The following PRH1 variants were observed in gnomAD, a reference collection of about 807,000 sequenced individuals.
The protein encoded by PRH1 is proline rich protein HaeIII subfamily 1, also known as salivary acidic proline-rich phosphoprotein 1/2.
A neutral mutation model predicts 7.9 loss-of-function variants in PRH1; 7 were observed. The observed-to-expected ratio is 0.89, with a 90% CI of 0.50 to 1.67. The LOEUF is 1.67. Among genes scored for constraint, PRH1 ranks in the 40% most tolerant of loss-of-function variants. The pLI, the probability that PRH1 is intolerant of heterozygous loss-of-function variation, is 0.00. For synonymous variants in PRH1, 45 were observed against 80.8 expected, an observed-to-expected ratio of 0.56 and a Z score of 2.38; for missense variants, 109 against 223.6, an observed-to-expected ratio of 0.49 and a Z score of 3.27.
At chr12:11,156,118 C>T (rs1947239978) in intron 1 of PRH1, among the ~76,000 whole-genome samples, 1 of 152,084 alleles carries the variant, frequency 6.6e-6, no homozygotes, top group African/African-American at 2.4e-5. Context: ...TTTTTTCTAT[C>T]TGAAAATGTA....
In PRH1 at chr12:11,091,143, T is replaced by TATATATATATATATATATA. The variant is rs1565644368; in HGVS notation, n.124-43956_124-43955insTATATATATATATATATAT. ...ATATATATATATATATATATATATA[T>TATATATATATATATATATA]TTTCTAGACTGCCATTGGGTCAAAG... On this transcript the variant is annotated intron_variant and non_coding_transcript_variant, in intron 1 of 4. Transcript: ENST00000541977. 2.5e-3 allele frequency: 154 copies of TATATATATATATATATATA among 61,138 alleles called. 1 individual carries two copies. Among genetic ancestry groups the TATATATATATATATATATA allele is most frequent in the East Asian group, 7.3e-3 (14 of 1,922 alleles). The allele number at this position is 61,138 out of a possible 1,614,324, so 3.8% of individuals were successfully genotyped here.
intron 1 of PRH1, among the ~76,000 whole-genome samples, chr12:11,054,871 C>T (rs530619617): frequency 5.2e-4 from 65 of 123,908 alleles, no homozygotes; most frequent in Admixed American, 1.0e-3. Flanking sequence ...GGCGAGATCT[C>T]GGCTCACTGC....
chr12:11,081,953 A>T lies in PRH1; in HGVS notation n.124-34765T>A, dbSNP rs1344405572. 6.6e-3 allele frequency among the ~76,000 whole-genome samples: 566 copies of T among 86,198 alleles called. 1 individual carries two copies. Among genetic ancestry groups the T allele is most frequent in the Middle Eastern group, 0.015 (3 of 196 alleles). The allele number at this position is 86,198 out of a possible 152,430, so 56.5% of individuals were successfully genotyped here. A position where few individuals can be genotyped will look rare whatever the true frequency, so the allele number is the denominator to read the frequency against. The stretch of plus-strand genomic sequence containing the variant: ...AAAATCAAAATCTTTTCATAGTGTT[A>T]CATGGATTAGTTTAATATAATTTAT... On this transcript the variant is annotated intron_variant and non_coding_transcript_variant, in intron 1 of 4. Coordinates refer to the PRH1 transcript ENST00000541977.
intron 2 of PRH1, among the ~76,000 whole-genome samples, chr12:10,957,763 C>T (rs1938046526): frequency 6.6e-6 from 1 of 152,002 alleles, no homozygotes; most frequent in South Asian, 2.1e-4. Flanking sequence ...AGGACATGAA[C>T]AATTTTCAAG....
chr12:11,158,752 T>A (rs1013111616), intron 1 of PRH1: 1 of 152,142 alleles, frequency 6.6e-6, no homozygotes, highest in Non-Finnish European at 1.5e-5. Context: ...ATTTCTTTCA[T>A]AGATGCAGAA....
intron 1 of PRH1, among the ~76,000 whole-genome samples, chr12:11,125,416 C>G (rs1238300402): frequency 6.6e-6 from 1 of 152,282 alleles, no homozygotes; most frequent in African/African-American, 2.4e-5. Flanking sequence ...GCATCATTAA[C>G]AAGTTAAATT....
chr12:11,018,225 C>T (rs1379885850), intron 1 of PRH1, among the ~76,000 whole-genome samples: 2 of 152,176 alleles, frequency 1.3e-5, no homozygotes, highest in Non-Finnish European at 2.9e-5. Flanking sequence ...ACTATTCCCT[C>T]TTCAGTGGAG....
chr12:11,124,124 T>C (rs1408831277), intron 1 of PRH1, among the ~76,000 whole-genome samples: 2 of 152,188 alleles, frequency 1.3e-5, no homozygotes, highest in Non-Finnish European at 2.9e-5. Context: ...TTTTTTGGGA[T>C]AGTAGCTTGT....
intron 2 of PRH1, among the ~76,000 whole-genome samples, chr12:10,911,325 T>C (rs979947476): frequency 6.6e-6 from 1 of 152,186 alleles, no homozygotes; most frequent in Non-Finnish European, 1.5e-5. Flanking sequence ...ACATAGAGAA[T>C]GGATAACAGG....
At chr12:11,030,806 G>T (rs1283986544) in intron 1 of PRH1, 1 of 1,614,004 alleles carries the variant, frequency 6.2e-7, no homozygotes, top group Non-Finnish European at 8.5e-7. Context: ...GGTTACAGTC[G>T]CATCTGAAAG....
intron 1 of PRH1, among the ~76,000 whole-genome samples, chr12:11,018,896 G>A (rs1361670063): frequency 6.6e-6 from 1 of 152,274 alleles, no homozygotes; most frequent in Non-Finnish European, 1.5e-5. Flanking sequence ...GAACTCGCCC[G>A]AAGGGACTGT....
intron 1 of PRH1, among the ~76,000 whole-genome samples, chr12:11,029,887 A>G (rs1942100006): frequency 6.6e-6 from 1 of 152,232 alleles, no homozygotes; most frequent in Non-Finnish European, 1.5e-5. Flanking sequence ...ATAAAACACC[A>G]AAGATACATC....
chr12:11,168,607 C>T (rs116997872), intron 1 of PRH1, among the ~76,000 whole-genome samples: 2,349 of 152,218 alleles, frequency 0.015, 19 homozygotes, highest in South Asian at 0.031. Context: ...TGAGGTCTGA[C>T]TCAGCTTGCT....
intron 1 of PRH1, among the ~76,000 whole-genome samples, chr12:11,033,368 AAAC>A (rs1188900555): frequency 3.3e-5 from 3 of 89,968 alleles, no homozygotes; most frequent in Non-Finnish European, 7.7e-5. Context: ...CTCTGTCAAA[AAAC>A]AAAACAAAAC....
chr12:11,128,782 A>C (rs959573412), intron 1 of PRH1, among the ~76,000 whole-genome samples: 3 of 141,168 alleles, frequency 2.1e-5, no homozygotes, highest in Non-Finnish European at 4.7e-5. Context: ...TAAAACTTTC[A>C]TTGGTTAGTT....
chr12:10,963,684 G>A (rs1565503845), intron 2 of PRH1, among the ~76,000 whole-genome samples: 1 of 152,056 alleles, frequency 6.6e-6, no homozygotes, highest in African/African-American at 2.4e-5. Context: ...TCAGCATTGT[G>A]TTTCTTTCTT....
intron 1 of PRH1, among the ~76,000 whole-genome samples, chr12:11,104,510 G>T (rs1404878818): frequency 6.6e-6 from 1 of 152,014 alleles, no homozygotes; most frequent in Non-Finnish European, 1.5e-5. Flanking sequence ...TTATTCTGTT[G>T]TAAACATGTC....
chr12:11,040,276 A>C (rs2136123405), intron 1 of PRH1, among the ~76,000 whole-genome samples: 1 of 152,280 alleles, frequency 6.6e-6, no homozygotes, highest in Admixed American at 6.5e-5. Context: ...ATTGTTTCTA[A>C]GAGAGGATTT....
intron 1 of PRH1, among the ~76,000 whole-genome samples, chr12:11,080,915 C>CT (rs1014529938): frequency 8.2e-6 from 1 of 121,948 alleles, no homozygotes; most frequent in African/African-American, 2.8e-5. Context: ...TCAACATACT[C>CT]TATCTTCAAC....
Sources: allele counts gnomAD v4.1 joint callset (sites outside exome capture counted in the v4.1 genomes callset), GRCh38; gene constraint gnomAD v4.1.1; transcripts MANE v1.5; gene names NCBI Gene and HGNC (gene_info 2026-07-23, HGNC 2026-07-21).